The following PIAS1 variants were observed in gnomAD, a reference collection of about 807,000 sequenced individuals.
PIAS1 encodes E3 SUMO-protein ligase PIAS1.
PIAS1 carries 6 observed loss-of-function variants against 71.3 expected under a neutral mutation model. The observed-to-expected ratio is 0.08, with a 90% confidence interval of 0.05 to 0.17. The LOEUF (loss-of-function observed/expected upper bound fraction) is 0.17. Among genes scored for constraint, PIAS1 ranks in the 10% least tolerant of loss-of-function variants. PIAS1 has a pLI of 1.00. For missense variants in PIAS1, 555 were observed against 793.6 expected (o/e 0.70, Z 3.61); for synonymous variants, 303 against 292.9 (o/e 1.03, Z -0.35).
intron 2 of PIAS1, among the ~76,000 whole-genome samples, chr15:68,101,355 T>C (rs566094862): frequency 2.7e-4 from 41 of 149,136 alleles, no homozygotes; most frequent in East Asian, 2.6e-3. Context: ...TTTTAACTTA[T>C]GAGTTTTCAG....
Position 68,176,585 on chromosome 15 carries a change from A to G in PIAS1, c.1412A>G (p.Glu471Gly), listed in dbSNP as rs766314638. 2 of 1,613,266 alleles carry G rather than the reference A, an allele frequency of 1.2e-6. No individual in the cohort carries two copies. Among genetic ancestry groups the G allele is most frequent in the South Asian group, 2.2e-5 (2 of 90,988 alleles). ...ACCATAGACAGTTCATCTGATGAAG[A>G]GGAAGAAGAGCCATCTGCCAAGAGG... ...DLTIDSSSDE[E>G]EEEPSAKRTC... is the part of the protein sequence containing the mutation. Residue 471 changes from glutamate to glycine, a missense_variant, in exon 11 of 14, where the codon GAG becomes GGG. Glu to Gly is a moderately conservative substitution (Grantham distance 98). Around this residue, in one of 5 missense-constraint regions of PIAS1, gnomAD observed 244 missense variants for 307.5 expected, o/e 0.79. Transcript: ENST00000249636.
intron 8 of PIAS1, among the ~76,000 whole-genome samples, chr15:68,168,605 C>G (rs1037775123): frequency 6.6e-6 from 1 of 152,124 alleles, no homozygotes; most frequent in Admixed American, 6.5e-5. Context: ...CAAAGCTCAG[C>G]TTCTCTCTTG....
At chr15:68,073,354 A>C (rs1325693193) in intron 1 of PIAS1, among the ~76,000 whole-genome samples, 1 of 152,156 alleles carries the variant, frequency 6.6e-6, no homozygotes, top group African/African-American at 2.4e-5. Context: ...TTGCATTACC[A>C]ATATGGTTTG....
Position 68,173,156 on chromosome 15 carries a change from G to A in PIAS1, c.1009-576G>A, listed in dbSNP as rs774202899. On this transcript the variant is annotated intron_variant, in intron 8 of 13. Coordinates refer to ENST00000249636, the MANE Select transcript of PIAS1 (RefSeq NM_016166.3). The surrounding 1 kb of genome is among the most constrained non-coding windows in gnomAD (Gnocchi z 4.3). ...CTTTATTTTCCCTAATCCCTAGTAA[G>A]GTGGTTCTTAAATTTTTTTTGGATC... Among the ~76,000 whole-genome samples the A allele has an allele frequency of 2.6e-5, 4 of 152,286 alleles. No individual in the cohort carries two copies. In the South Asian group the frequency reaches 8.3e-4, roughly 32 times the overall value.
At chr15:68,099,161 A>G (rs2092402584) in intron 2 of PIAS1, among the ~76,000 whole-genome samples, 1 of 151,834 alleles carries the variant, frequency 6.6e-6, no homozygotes, top group African/African-American at 2.4e-5. Flanking sequence ...GTTTTTAAAA[A>G]TATATTTTTT....
intron 2 of PIAS1, among the ~76,000 whole-genome samples, chr15:68,125,492 A>G (rs996075084): frequency 3.3e-5 from 5 of 152,136 alleles, no homozygotes; most frequent in Non-Finnish European, 7.4e-5. Context: ...TTAGTAGTTC[A>G]TAGGAAAAAG....
intron 2 of PIAS1, among the ~76,000 whole-genome samples, chr15:68,134,658 C>T (rs1186579598): frequency 5.4e-5 from 2 of 36,754 alleles, no homozygotes; most frequent in Non-Finnish European, 2.3e-4. Context: ...GGCGGCTGGC[C>T]GGGCGGGGGG....
At chr15:68,153,233 A>G (rs1018596574) in intron 6 of PIAS1, among the ~76,000 whole-genome samples, 3 of 152,212 alleles carry the variant, frequency 2.0e-5, no homozygotes, top group Admixed American at 2.0e-4. Context: ...TAGTCTTAAC[A>G]GTATTCTTTC....
At chr15:68,107,007 A>G (rs1210302551) in intron 2 of PIAS1, among the ~76,000 whole-genome samples, 2 of 152,132 alleles carry the variant, frequency 1.3e-5, no homozygotes, top group Non-Finnish European at 2.9e-5. Flanking sequence ...TCGTGAGGAG[A>G]TGGGACCCTT....
In PIAS1 at chr15:68,192,331, C is replaced by T. The variant is rs1243747292; in HGVS notation, c.*4496C>T. The T allele has an allele frequency of 6.6e-6, 1 of 152,168 alleles. No individual in the cohort carries two copies. Among genetic ancestry groups the T allele is most frequent in the African/African-American group, 2.4e-5 (1 of 41,450 alleles). The allele number at this position is 152,168 out of a possible 1,614,324, so 9.4% of individuals were successfully genotyped here. ...ATGAAGTTTAAGCACCAGGACCCTT[C>T]ACTTGTTCTGGTCCTAGGAGCAGCC... On this transcript the variant is annotated 3_prime_UTR_variant, in exon 14 of 14. Coordinates refer to ENST00000249636, the MANE Select transcript of PIAS1 (RefSeq NM_016166.3).
Position 68,114,662 on chromosome 15 carries a change from G to A in PIAS1, c.470-27284G>A, listed in dbSNP as rs576827286. On this transcript the variant is annotated intron_variant, in intron 2 of 13. Coordinates refer to ENST00000249636, the MANE Select transcript of PIAS1 (RefSeq NM_016166.3). ...AATAGCAAATATTTTTAGAGCAATT[G>A]AAAGTACAGCCTCTTAGATTAGCTC... is the stretch of plus-strand genomic sequence containing the variant. 9.9e-5 allele frequency among the ~76,000 whole-genome samples: 15 copies of A among 152,072 alleles called. No individual in the cohort carries two copies. In the East Asian group the frequency reaches 2.1e-3, roughly 22 times the overall value.
intron 2 of PIAS1, among the ~76,000 whole-genome samples, chr15:68,115,083 C>T (rs578241785): frequency 6.6e-6 from 1 of 152,062 alleles, no homozygotes; most frequent in South Asian, 2.1e-4. Flanking sequence ...TTCCCCAAAA[C>T]GATGCCATAG....
At chr15:68,180,256 G>C (rs1197800771) in intron 11 of PIAS1, among the ~76,000 whole-genome samples, 1 of 151,868 alleles carries the variant, frequency 6.6e-6, no homozygotes, top group Non-Finnish European at 1.5e-5. Flanking sequence ...GTGCCACCAG[G>C]CCTGGCTAAG....
rs1465746629 is a variant in PIAS1, at chr15:68,185,073, C to A, written c.1662+1406C>A. ...TTTGTTGATAATGCTCCCACACATCCTCATTTCATTGGTGATCTTCATCCC... is the reference window on the plus strand; with the variant it reads ...TTTGTTGATAATGCTCCCACACATCATCATTTCATTGGTGATCTTCATCCC... On this transcript the variant is annotated intron_variant, in intron 13 of 13. Transcript: ENST00000249636. The surrounding 1 kb of genome is among the most constrained non-coding windows in gnomAD (Gnocchi z 4.4). 2 of 152,596 alleles carry A rather than the reference C, an allele frequency of 1.3e-5. No individual in the cohort carries two copies. Among genetic ancestry groups the A allele is most frequent in the South Asian group, 2.1e-4 (1 of 4,832 alleles). The allele number at this position is 152,596 out of a possible 1,614,324, so 9.5% of individuals were successfully genotyped here. A position where few individuals can be genotyped will look rare whatever the true frequency, so the allele number is the denominator to read the frequency against.
At position 68,142,825 on chromosome 15, in the gene PIAS1, A is replaced by G. The variant is rs79129945; in HGVS notation, c.602+488A>G. On this transcript the variant is annotated intron_variant, in intron 4 of 13. Transcript: ENST00000249636. ...AGGAATTAGTACTTAAGTCTACAGT[A>G]TGTCATGGACTAACAAACATCAAAA... Among the ~76,000 whole-genome samples the G allele has an allele frequency of 6.1e-3, 931 of 152,260 alleles. 4 individuals are homozygous for G. The highest frequency in any genetic ancestry group is 0.032 in the East Asian group (167 of 5,188).
rs76250894 is a variant in PIAS1 at position 68,186,246 on chromosome 15, A to G, written c.1663-1296A>G. On this transcript the variant is annotated intron_variant, in intron 13 of 13. Transcript: ENST00000249636. This position sits in a 1 kb window ranked among gnomAD's most constrained non-coding sequence, Gnocchi z 4.4. ...CCATGCAGTGGGACAAGCTGTGCAG[A>G]TGGAAGACAGTGACATCGATGACCC... 6.4e-3 allele frequency among the ~76,000 whole-genome samples: 972 copies of G among 152,338 alleles called. 5 individuals carry two copies. The highest frequency in any genetic ancestry group is 0.036 in the East Asian group (185 of 5,192).
intron 1 of PIAS1, among the ~76,000 whole-genome samples, chr15:68,062,004 A>C (rs2091964220): frequency 6.6e-6 from 1 of 152,222 alleles, no homozygotes. Flanking sequence ...TGTCAGATGA[A>C]CAAATTATGT....
intron 1 of PIAS1, among the ~76,000 whole-genome samples, chr15:68,081,369 T>C (rs2092226470): frequency 6.6e-6 from 1 of 152,082 alleles, no homozygotes; most frequent in Non-Finnish European, 1.5e-5. Flanking sequence ...TATTGCCCAG[T>C]CATTCTAGAT....
intron 2 of PIAS1, among the ~76,000 whole-genome samples, chr15:68,111,574 C>T (rs2092523894): frequency 1.3e-5 from 2 of 152,170 alleles, no homozygotes; most frequent in South Asian, 4.2e-4. Context: ...TGCAATTTAA[C>T]ACTAATATCA....
Sources: allele counts gnomAD v4.1 joint callset (sites outside exome capture counted in the v4.1 genomes callset), GRCh38; gene constraint gnomAD v4.1.1; regional missense constraint gnomAD v4.1.1; non-coding constraint Gnocchi (gnomAD v3.1); transcripts MANE v1.5; gene names NCBI Gene and HGNC (gene_info 2026-07-23, HGNC 2026-07-21).